The following KCNK16 variants were observed in gnomAD, a reference collection of about 807,000 sequenced individuals.
KCNK16 encodes the protein potassium channel subfamily K member 16.
Under a neutral mutation model 23.0 loss-of-function variants are expected in KCNK16, and 23 were observed. The observed-to-expected ratio is 1.00, with a 90% CI of 0.72 to 1.41. The LOEUF is 1.41. Among genes scored for constraint, KCNK16 ranks in the 40% most tolerant of loss-of-function variants. The probability of loss-of-function intolerance (pLI) is 0.00; values close to 1 mark genes in which losing one functional copy is unlikely to be tolerated. For synonymous variants in KCNK16, 145 were observed against 153.5 expected, an observed-to-expected ratio of 0.94 and a Z score of 0.41; for missense variants, 327 against 365.8, an observed-to-expected ratio of 0.89 and a Z score of 0.87.
At chr6:39,315,829 G>A (rs544610689), downstream of KCNK16, among the ~76,000 whole-genome samples, 123 of 152,296 alleles carry the variant, frequency 8.1e-4, no homozygotes, top group Middle Eastern at 3.4e-3. Context: ...ACAGCACCTG[G>A]CACATAGTAG....
intron 1 of KCNK16, 120 bp downstream of exon 1, chr6:39,322,208 A>G (rs1220037008): frequency 6.9e-7 from 1 of 1,452,482 alleles, no homozygotes; most frequent in African/African-American, 1.4e-5. Context: ...TGTTCCCACC[A>G]CACTCTTCTT....
Position 39,319,097 on chromosome 6 carries a change from T to C in KCNK16, c.250A>G (p.Lys84Glu), listed in dbSNP as rs1180442429. 2 of 1,613,962 alleles carry C rather than the reference T, an allele frequency of 1.2e-6. No individual in the cohort carries two copies. The highest frequency in any genetic ancestry group is 1.7e-6 in the Non-Finnish European group (2 of 1,179,884). The change falls in exon 2 of 5, where the codon AAA becomes GAA. Residue 84 changes from lysine to glutamate, a missense_variant. Lys to Glu is a moderately conservative substitution (Grantham distance 56). Transcript: ENST00000437525. This position sits in a 1 kb window ranked among gnomAD's most constrained non-coding sequence, Gnocchi z 4.2. Reference protein sequence around the residue: ...MEAWVKGVNPKGNSTNPSNWD... With the variant: ...MEAWVKGVNPEGNSTNPSNWD... ...TTGCTGGGGTTGGTAGAGTTGCCTT[T>C]GGGGTTCACACCTTTCACCCAGGCT...
rs1762423520 is a variant in KCNK16 at position 39,319,056 on chromosome 6, G to T, written c.291C>A (p.Ser97Arg). 3 of 1,614,088 alleles carry T rather than the reference G, an allele frequency of 1.9e-6. No individual in the cohort carries two copies. The highest frequency in any genetic ancestry group is 2.5e-6 in the Non-Finnish European group (3 of 1,179,956). The change falls in exon 2 of 5, where the codon AGC becomes AGA. Residue 97 changes from serine to arginine, a missense_variant. Transcript: ENST00000437525. This position sits in a 1 kb window ranked among gnomAD's most constrained non-coding sequence, Gnocchi z 4.2. ...STNPSNWDFG[S>R]SFFFAGTVVT... Reference sequence around the variant, plus strand: ...CGACTGTGCCTGCAAAGAAGAAACTGCTGCCAAAGTCCCAGTTGCTGGGGT... The same window carrying T: ...CGACTGTGCCTGCAAAGAAGAAACTTCTGCCAAAGTCCCAGTTGCTGGGGT...
chr6:39,315,300 G>A, downstream of KCNK16: 1 of 1,560,874 alleles, frequency 6.4e-7, no homozygotes, highest in South Asian at 1.2e-5. Context: ...CCTGAGAGAG[G>A]CCAGACGTTC....
chr6:39,316,490 C>T, intron 4 of KCNK16, 48 bp from the exon 5 acceptor site: 2 of 1,540,962 alleles, frequency 1.3e-6, no homozygotes, highest in Non-Finnish European at 1.8e-6. Context: ...CAGGGCATAG[C>T]CACCTCCAGT....
downstream of KCNK16, chr6:39,315,230 C>T (rs757781589): frequency 6.2e-7 from 1 of 1,612,774 alleles, no homozygotes; most frequent in African/African-American, 1.3e-5. Flanking sequence ...TGGTCTAAAT[C>T]TCTCCTGGTC....
At chr6:39,316,680 G>T in intron 4 of KCNK16, 102 bp downstream of exon 4, 1 of 1,380,400 alleles carries the variant, frequency 7.2e-7, no homozygotes, top group Non-Finnish European at 1.0e-6. Flanking sequence ...AATGACCAAG[G>T]GCTATCTTAT....
downstream of KCNK16, chr6:39,314,834 G>T: frequency 1.5e-6 from 1 of 684,290 alleles, no homozygotes; most frequent in Non-Finnish European, 2.5e-6. Context: ...CCTTTCCTTT[G>T]TACCCCAAAA....
At chr6:39,317,996 C>T (rs370183128) in intron 2 of KCNK16, 44 bp from the exon 3 acceptor site, 84 of 1,534,426 alleles carry the variant, frequency 5.5e-5, no homozygotes, top group African/African-American at 5.2e-4. Flanking sequence ...GACTCTAGAA[C>T]GCCCTCTGCT....
chr6:39,315,804 G>A (rs944305105), downstream of KCNK16, among the ~76,000 whole-genome samples: 1 of 152,138 alleles, frequency 6.6e-6, no homozygotes, highest in African/African-American at 2.4e-5. Context: ...CCCAGACCCT[G>A]GCACAGACCC....
chr6:39,315,535 G>T, downstream of KCNK16: 1 of 1,113,566 alleles, frequency 9.0e-7, no homozygotes, highest in Non-Finnish European at 1.3e-6. Flanking sequence ...AAGGGGAGCT[G>T]GCGAGCTTTG....
At chr6:39,321,928 TGGGGAA>T (rs1762526237) in intron 1 of KCNK16, among the ~76,000 whole-genome samples, 2 of 152,214 alleles carry the variant, frequency 1.3e-5, no homozygotes, top group African/African-American at 4.8e-5. Context: ...GCCCTGGAGT[TGGGGAA>T]GGGGAAGTAT....
Position 39,316,254 on chromosome 6 carries a change from GC to G in KCNK16, c.849del (p.Leu284SerfsTer?), listed in dbSNP as rs1762305987. The G allele has an allele frequency of 1.9e-6, 3 of 1,568,086 alleles. No individual in the cohort carries two copies. In the African/African-American group the frequency reaches 4.1e-5, roughly 21 times the overall value. The part of the protein sequence containing the change: ...VKDGAASDPS[G>X]LPRPQKIPIS... ...ATGGGGATCTTCTGAGGCCTGGGGAGCCCACTGGGGTCAGAGGCTGCCCCAT... is the reference window on the plus strand; with the variant it reads ...ATGGGGATCTTCTGAGGCCTGGGGAGCCACTGGGGTCAGAGGCTGCCCCAT... On this transcript the variant is annotated frameshift_variant, in exon 5 of 5. Transcript: ENST00000437525. LOFTEE classifies it high-confidence loss of function.
upstream of KCNK16, chr6:39,322,734 G>T: frequency 1.2e-6 from 1 of 834,120 alleles, no homozygotes; most frequent in Non-Finnish European, 1.8e-6. Context: ...GTGCTATGCT[G>T]TGAGTGCAAA....
Position 39,319,951 on chromosome 6 carries a change from G to A in KCNK16, c.214-818C>T, listed in dbSNP as rs1021491255. ...CCACTGCTGACAACCTCCAGTCCCT[G>A]GGCCCAGCCGCCTTGGAGAATAGGC... On this transcript the variant is annotated intron_variant, in intron 1 of 4. Coordinates refer to ENST00000437525, the MANE Select transcript of KCNK16 (RefSeq NM_001135106.2). The surrounding 1 kb of genome is among the most constrained non-coding windows in gnomAD (Gnocchi z 4.2). Among the ~76,000 whole-genome samples the A allele has an allele frequency of 2.0e-5, 3 of 152,112 alleles. No homozygotes were observed. Among genetic ancestry groups the A allele is most frequent in the Non-Finnish European group, 4.4e-5 (3 of 68,028 alleles).
chr6:39,317,215 C>T (rs1762350212), intron 3 of KCNK16, among the ~76,000 whole-genome samples: 1 of 152,196 alleles, frequency 6.6e-6, no homozygotes, highest in Non-Finnish European at 1.5e-5. Context: ...GAACAGGCTC[C>T]CTGGGGACTC....
chr6:39,321,688 G>C (rs899655077), intron 1 of KCNK16, among the ~76,000 whole-genome samples: 2 of 152,224 alleles, frequency 1.3e-5, no homozygotes, highest in Non-Finnish European at 2.9e-5. Flanking sequence ...GAGGAAACCA[G>C]AAAGGACCCA....
chr6:39,320,890 T>G (rs2113856711), intron 1 of KCNK16, among the ~76,000 whole-genome samples: 1 of 152,136 alleles, frequency 6.6e-6, no homozygotes, highest in African/African-American at 2.4e-5. Context: ...ACTCCCAGGG[T>G]TTTGGGAGGC....
At position 39,322,670 on chromosome 6, in the gene KCNK16, G is replaced by A. The variant is rs1354095611; in HGVS notation, c.-130C>T. 1 of 1,363,658 alleles carries A rather than the reference G, an allele frequency of 7.3e-7. No individual in the cohort carries two copies. Among genetic ancestry groups the A allele is most frequent in the African/African-American group, 1.5e-5 (1 of 68,418 alleles). The allele number at this position is 1,363,658 out of a possible 1,614,324, so 84.5% of individuals were successfully genotyped here. A position where few individuals can be genotyped will look rare whatever the true frequency, so the allele number is the denominator to read the frequency against. On this transcript the variant is annotated 5_prime_UTR_variant, in exon 1 of 5. Transcript: ENST00000437525. Reference sequence around the variant, plus strand: ...CCCTGCCCTCCTCCTCGGCACAGGTGTCTGGAGGCTGGGGAGACTGTTTGA... The same window carrying A: ...CCCTGCCCTCCTCCTCGGCACAGGTATCTGGAGGCTGGGGAGACTGTTTGA...
Sources: allele counts gnomAD v4.1 joint callset (sites outside exome capture counted in the v4.1 genomes callset), GRCh38; gene constraint gnomAD v4.1.1; non-coding constraint Gnocchi (gnomAD v3.1); transcripts MANE v1.5; gene names NCBI Gene and HGNC (gene_info 2026-07-23, HGNC 2026-07-21).